PAPPA2: variants seen among roughly 807,000 people sequenced by gnomAD.
The protein encoded by PAPPA2 is pappalysin 2.
In PAPPA2, 86 loss-of-function variants were observed where a neutral mutation model predicts 176.4. That is an observed-to-expected ratio of 0.49 (90% CI 0.41 to 0.58). The LOEUF is 0.58. PAPPA2 is among the 20% of genes least tolerant of loss of function. The pLI is 0.00. For synonymous variants in PAPPA2, 809 were observed against 852.2 expected (o/e 0.95, Z 0.88); for missense variants, 2,073 against 2,256.9 (o/e 0.92, Z 1.65).
At chr1:176,813,302 C>A (rs1039102900) in intron 21 of PAPPA2, among the ~76,000 whole-genome samples, 1 of 152,058 alleles carries the variant, frequency 6.6e-6, no homozygotes, top group Admixed American at 6.6e-5. Context: ...TGGATATATA[C>A]CCAGTAATGG....
intron 1 of PAPPA2, among the ~76,000 whole-genome samples, chr1:176,467,627 A>G (rs1036463028): frequency 2.0e-5 from 3 of 152,176 alleles, no homozygotes; most frequent in Admixed American, 6.6e-5. Context: ...TAGTGACTAT[A>G]AGGTGATGGG....
chr1:176,544,372 AGTT>A (rs1197016854), intron 1 of PAPPA2, among the ~76,000 whole-genome samples: 1 of 152,216 alleles, frequency 6.6e-6, no homozygotes, highest in African/African-American at 2.4e-5. Flanking sequence ...CATAAATGCC[AGTT>A]GTTATATTAA....
chr1:176,634,308 G>A (rs1656532182), intron 3 of PAPPA2, among the ~76,000 whole-genome samples: 1 of 151,786 alleles, frequency 6.6e-6, no homozygotes, highest in African/African-American at 2.4e-5. Context: ...GGGTGAGCTG[G>A]AAACCATCAT....
At chr1:176,695,120 C>G (rs1660310962) in intron 6 of PAPPA2, among the ~76,000 whole-genome samples, 1 of 152,158 alleles carries the variant, frequency 6.6e-6, no homozygotes, top group Admixed American at 6.5e-5. Context: ...GTGATCTGTT[C>G]ATTGCGCTGG....
intron 7 of PAPPA2, among the ~76,000 whole-genome samples, chr1:176,697,094 C>T (rs1660420503): frequency 1.3e-5 from 2 of 152,002 alleles, no homozygotes; most frequent in Admixed American, 1.3e-4. Flanking sequence ...TGTTTGATTC[C>T]CTGACCTGGT....
intron 5 of PAPPA2, chr1:176,690,989 TTC>T (rs1660097794): frequency 1.0e-6 from 1 of 985,310 alleles, no homozygotes; most frequent in Non-Finnish European, 1.2e-6. Context: ...CTACCACCCT[TTC>T]CCCACCAAAA....
chr1:176,576,812 G>T (rs950573788), intron 2 of PAPPA2, among the ~76,000 whole-genome samples: 2 of 152,178 alleles, frequency 1.3e-5, no homozygotes, highest in African/African-American at 4.8e-5. Flanking sequence ...AATCTGAGAA[G>T]CTCCAGACTC....
At chr1:176,570,806 G>A (rs1025161917) in intron 2 of PAPPA2, among the ~76,000 whole-genome samples, 7 of 152,016 alleles carry the variant, frequency 4.6e-5, no homozygotes, top group African/African-American at 1.4e-4. Flanking sequence ...TGGGAACTTA[G>A]CAGCTATGTC....
chr1:176,682,084 G>T (rs1332749981), intron 4 of PAPPA2, among the ~76,000 whole-genome samples: 1 of 152,196 alleles, frequency 6.6e-6, no homozygotes, highest in Non-Finnish European at 1.5e-5. Context: ...CAACCAAACA[G>T]TTAGATATTG....
intron 1 of PAPPA2, among the ~76,000 whole-genome samples, chr1:176,540,423 T>G (rs191730646): frequency 6.6e-6 from 1 of 152,356 alleles, no homozygotes; most frequent in Admixed American, 6.5e-5. Flanking sequence ...TTATTCTTAG[T>G]GCCTAGCAGT....
At chr1:176,627,131 C>A (rs1419892536) in intron 3 of PAPPA2, among the ~76,000 whole-genome samples, 1 of 152,062 alleles carries the variant, frequency 6.6e-6, no homozygotes, top group Non-Finnish European at 1.5e-5. Flanking sequence ...AAGACTGGCT[C>A]TGTTCTTGAG....
chr1:176,471,621 T>A (rs1651879167), intron 1 of PAPPA2, among the ~76,000 whole-genome samples: 1 of 152,220 alleles, frequency 6.6e-6, no homozygotes. Flanking sequence ...AGTAATATAC[T>A]GACTTCCACA....
intron 21 of PAPPA2, among the ~76,000 whole-genome samples, chr1:176,817,114 T>A (rs1666438074): frequency 6.6e-6 from 1 of 152,000 alleles, no homozygotes; most frequent in African/African-American, 2.4e-5. Context: ...AGAAAGTGGT[T>A]GTGTTTGGGG....
chr1:176,833,586 T>G (rs903198328), intron 21 of PAPPA2, among the ~76,000 whole-genome samples: 1 of 152,188 alleles, frequency 6.6e-6, no homozygotes, highest in African/African-American at 2.4e-5. Flanking sequence ...AAATGTTCTT[T>G]TTCTTCTTAT....
chr1:176,570,101 T>C (rs1652230528), intron 2 of PAPPA2, among the ~76,000 whole-genome samples: 1 of 152,250 alleles, frequency 6.6e-6, no homozygotes, highest in South Asian at 2.1e-4. Flanking sequence ...CTCATTCTCA[T>C]AGAACTTTCG....
chr1:176,770,761 T>C (rs1327281756), intron 16 of PAPPA2, among the ~76,000 whole-genome samples: 2 of 152,222 alleles, frequency 1.3e-5, no homozygotes, highest in Non-Finnish European at 2.9e-5. Flanking sequence ...ACCTCTGTTT[T>C]ATGTAAGAGC....
intron 1 of PAPPA2, among the ~76,000 whole-genome samples, chr1:176,490,209 A>G (rs1652832679): frequency 1.3e-5 from 2 of 151,214 alleles, no homozygotes; most frequent in South Asian, 4.2e-4. Flanking sequence ...CTGAGGTCCC[A>G]GGACCCCTCT....
chr1:176,638,372 A>T (rs1017590231), intron 3 of PAPPA2, among the ~76,000 whole-genome samples: 4 of 151,996 alleles, frequency 2.6e-5, no homozygotes, highest in African/African-American at 9.7e-5. Context: ...AAAAAAACTG[A>T]GTGGCAAGAA....
chr1:176,800,220 G>C, intron 21 of PAPPA2, 88 bp downstream of exon 21: 1 of 1,287,104 alleles, frequency 7.8e-7, no homozygotes. Flanking sequence ...TTTAGGACCT[G>C]GTCCCTCTCC....
Sources: gnomAD v4.1 joint callset for allele counts (sites outside exome capture counted in the v4.1 genomes callset) on GRCh38, gnomAD v4.1.1 for gene constraint, MANE v1.5 for transcripts, NCBI Gene and HGNC (gene_info 2026-07-23, HGNC 2026-07-21) for gene names.